The following SV2B variants were observed in gnomAD, a reference collection of about 807,000 sequenced individuals.
The protein encoded by SV2B is synaptic vesicle glycoprotein 2B, also known as solute carrier family 22 member B2.
A neutral mutation model predicts 73.9 loss-of-function variants in SV2B; 41 were observed. The ratio of observed to expected loss-of-function variants is 0.56; its 90% confidence interval spans 0.43 to 0.72. The LOEUF is 0.72. Ranked by LOEUF, SV2B falls within the 30% of genes least tolerant of loss-of-function variation. SV2B has a pLI of 0.00. For synonymous variants in SV2B, 314 were observed against 314.2 expected (o/e 1.00, Z 0.01); for missense variants, 764 against 857.8 (o/e 0.89, Z 1.37).
chr15:91,273,023 G>C (rs939296230), intron 9 of SV2B, among the ~76,000 whole-genome samples: 1 of 151,826 alleles, frequency 6.6e-6, no homozygotes, highest in Middle Eastern at 3.2e-3. Context: ...AGTAGAGATG[G>C]GGTTTTGCCA....
chr15:91,157,656 G>T (rs1470593690), intron 1 of SV2B, among the ~76,000 whole-genome samples: 2 of 152,198 alleles, frequency 1.3e-5, no homozygotes, highest in Non-Finnish European at 2.9e-5. Flanking sequence ...TAGAGAGGGA[G>T]GGGAGAACTG....
At chr15:91,112,772 G>A (rs2042072700) in intron 1 of SV2B, among the ~76,000 whole-genome samples, 1 of 152,104 alleles carries the variant, frequency 6.6e-6, no homozygotes, top group African/African-American at 2.4e-5. Flanking sequence ...GCAAAGAAAA[G>A]GAAAACTTAC....
chr15:91,137,627 A>ATATATATTT lies in SV2B; in HGVS notation c.-392+37264_-392+37265insTATATATTT. On this transcript the variant is annotated intron_variant, in intron 1 of 12. Coordinates refer to ENST00000394232, the MANE Select transcript of SV2B (RefSeq NM_001323032.3). This position sits in a 1 kb window ranked among gnomAD's most constrained non-coding sequence, Gnocchi z 4.9. ...TATTTCATATATATATTTCATATAT[A>ATATATATTT]CATATATTTCATATATACATATATA... 2.5e-5 allele frequency among the ~76,000 whole-genome samples: 3 copies of ATATATATTT among 119,490 alleles called. No individual in the cohort carries two copies. The highest frequency in any genetic ancestry group is 6.8e-5 in the African/African-American group (2 of 29,434). The allele number at this position is 119,490 out of a possible 152,430, so 78.4% of individuals were successfully genotyped here.
At position 91,137,274 on chromosome 15, in the gene SV2B, G is replaced by A. The variant is rs1033101212; in HGVS notation, c.-392+36911G>A. ...TACTAATCACCCCAGTTAATGAGTT[G>A]TTTAAGCCACCCTCATATTAGAGTC... On this transcript the variant is annotated intron_variant, in intron 1 of 12. Transcript: ENST00000394232. This position sits in a 1 kb window ranked among gnomAD's most constrained non-coding sequence, Gnocchi z 4.9. 2.0e-5 allele frequency among the ~76,000 whole-genome samples: 3 copies of A among 152,258 alleles called. No individual in the cohort carries two copies. Among genetic ancestry groups the A allele is most frequent in the Admixed American group, 6.5e-5 (1 of 15,302 alleles).
chr15:91,236,619 C>T lies in SV2B; in HGVS notation c.451+9905C>T, dbSNP rs2046792962. 6.6e-6 allele frequency among the ~76,000 whole-genome samples: 1 copy of T among 152,164 alleles called. No homozygotes were observed. Among genetic ancestry groups the T allele is most frequent in the Non-Finnish European group, 1.5e-5 (1 of 68,034 alleles). ...TTTAGAGATGGATCTTTTATAGAAT[C>T]ATAAAGGACTTTATTCTGGTTATCT... On this transcript the variant is annotated intron_variant, in intron 2 of 12. Coordinates refer to ENST00000394232, the MANE Select transcript of SV2B (RefSeq NM_001323032.3). This position sits in a 1 kb window ranked among gnomAD's most constrained non-coding sequence, Gnocchi z 4.1.
intron 1 of SV2B, among the ~76,000 whole-genome samples, chr15:91,134,250 C>T (rs1373888897): frequency 7.9e-5 from 12 of 152,124 alleles, no homozygotes; most frequent in Non-Finnish European, 1.2e-4. Flanking sequence ...CACCCACCTC[C>T]GCCTCCCAAA....
chr15:91,156,938 T>G (rs1354793150), intron 1 of SV2B, among the ~76,000 whole-genome samples: 1 of 152,204 alleles, frequency 6.6e-6, no homozygotes, highest in African/African-American at 2.4e-5. Flanking sequence ...GATGCTTTAT[T>G]CAGAAAGTAA....
intron 2 of SV2B, among the ~76,000 whole-genome samples, chr15:91,237,575 T>C (rs1429744734): frequency 6.6e-6 from 1 of 152,224 alleles, no homozygotes; most frequent in East Asian, 1.9e-4. Flanking sequence ...ATACATTTTT[T>C]AATAGCTCCA....
intron 6 of SV2B, 52 bp from the exon 7 acceptor site, chr15:91,266,530 C>G: frequency 1.4e-6 from 2 of 1,400,974 alleles, no homozygotes; most frequent in South Asian, 2.4e-5. Flanking sequence ...ACATTGAAAA[C>G]TCTGACACAA....
chr15:91,288,961 A>G lies in SV2B; in HGVS notation c.1709-560A>G, dbSNP rs1307392361. Among the ~76,000 whole-genome samples, 1 of 152,128 alleles carries G rather than the reference A, an allele frequency of 6.6e-6. No individual in the cohort carries two copies. The highest frequency in any genetic ancestry group is 1.5e-5 in the Non-Finnish European group (1 of 68,028). On this transcript the variant is annotated intron_variant, in intron 11 of 12. Coordinates refer to ENST00000394232, the MANE Select transcript of SV2B (RefSeq NM_001323032.3). This position sits in a 1 kb window ranked among gnomAD's most constrained non-coding sequence, Gnocchi z 5.8. Reference sequence around the variant, plus strand: ...CCAAAGTGCTGGGATTATAGGCCAGAATTCCTTTCTTTTTAATGTCTGAGT... The same window carrying G: ...CCAAAGTGCTGGGATTATAGGCCAGGATTCCTTTCTTTTTAATGTCTGAGT...
chr15:91,182,070 T>C (rs914289903), intron 1 of SV2B, among the ~76,000 whole-genome samples: 4 of 152,160 alleles, frequency 2.6e-5, no homozygotes, highest in African/African-American at 9.7e-5. Context: ...TAGAACCACA[T>C]TATCACTGGC....
rs2042998373 is a variant in SV2B, at chr15:91,141,652, C to A, written c.-392+41289C>A. ...GTAAAATGCTTAGCCTATTGCCTGG[C>A]ACACAGTGAATGCTTAATAAATCAT... On this transcript the variant is annotated intron_variant, in intron 1 of 12. Transcript: ENST00000394232. The surrounding 1 kb of genome is among the most constrained non-coding windows in gnomAD (Gnocchi z 4.6). 6.6e-6 allele frequency among the ~76,000 whole-genome samples: 1 copy of A among 152,018 alleles called. No individual in the cohort carries two copies. The highest frequency in any genetic ancestry group is 1.5e-5 in the Non-Finnish European group (1 of 68,028).
intron 1 of SV2B, among the ~76,000 whole-genome samples, chr15:91,168,035 T>C (rs1213582828): frequency 1.3e-5 from 2 of 152,114 alleles, no homozygotes; most frequent in African/African-American, 4.8e-5. Context: ...TGGGGGATGG[T>C]GTCTAGTATA....
In SV2B at chr15:91,236,673, C is replaced by T. The variant is rs768459214; in HGVS notation, c.451+9959C>T. On this transcript the variant is annotated intron_variant, in intron 2 of 12. Coordinates refer to ENST00000394232, the MANE Select transcript of SV2B (RefSeq NM_001323032.3). This position sits in a 1 kb window ranked among gnomAD's most constrained non-coding sequence, Gnocchi z 4.1. ...ATTACATATCAAACAAGCAAGCAAA[C>T]ATATACTCCCCGTAGAACCAAAACC... Among the ~76,000 whole-genome samples, 1 of 152,162 alleles carries T rather than the reference C, an allele frequency of 6.6e-6. No individual in the cohort carries two copies. The highest frequency in any genetic ancestry group is 1.5e-5 in the Non-Finnish European group (1 of 68,036).
At chr15:91,198,455 A>ATGTGTT (rs2045335209) in intron 1 of SV2B, among the ~76,000 whole-genome samples, 1 of 136,756 alleles carries the variant, frequency 7.3e-6, no homozygotes, top group African/African-American at 2.7e-5. Context: ...AAGCACGTGT[A>ATGTGTT]TGTGTGTGTG....
chr15:91,163,263 C>A (rs1255105550), intron 1 of SV2B, among the ~76,000 whole-genome samples: 1 of 152,190 alleles, frequency 6.6e-6, no homozygotes, highest in Non-Finnish European at 1.5e-5. Context: ...ATTTTTAACC[C>A]TTTGGGTGTG....
chr15:91,233,647 C>T (rs2046668422), intron 2 of SV2B, among the ~76,000 whole-genome samples: 1 of 152,172 alleles, frequency 6.6e-6, no homozygotes, highest in African/African-American at 2.4e-5. Context: ...CACTGAGCCC[C>T]TACATTCTGA....
rs2048060413 is a variant in SV2B, at chr15:91,265,248, C to T, written c.1009-1334C>T. Among the ~76,000 whole-genome samples, 1 of 152,144 alleles carries T rather than the reference C, an allele frequency of 6.6e-6. No individual in the cohort carries two copies. Among genetic ancestry groups the T allele is most frequent in the Non-Finnish European group, 1.5e-5 (1 of 68,032 alleles). On this transcript the variant is annotated intron_variant, in intron 6 of 12. Coordinates refer to ENST00000394232, the MANE Select transcript of SV2B (RefSeq NM_001323032.3). This position sits in a 1 kb window ranked among gnomAD's most constrained non-coding sequence, Gnocchi z 4.2. ...GCCGTGAGCTCTAGGTTTTACCAGC[C>T]CTGTTGGCTGCCTCACAAACTCACA...
intron 1 of SV2B, among the ~76,000 whole-genome samples, chr15:91,215,626 A>G (rs1447709664): frequency 6.6e-6 from 1 of 152,166 alleles, no homozygotes; most frequent in African/African-American, 2.4e-5. Flanking sequence ...TATAACCATA[A>G]ATACATGATC....
Sources: gnomAD v4.1 joint callset for allele counts (sites outside exome capture counted in the v4.1 genomes callset) on GRCh38, gnomAD v4.1.1 for gene constraint, Gnocchi (gnomAD v3.1) non-coding constraint, MANE v1.5 for transcripts, NCBI Gene and HGNC (gene_info 2026-07-23, HGNC 2026-07-21) for gene names.